SLC7A1: variants seen among roughly 807,000 people sequenced by gnomAD.
SLC7A1 encodes high affinity cationic amino acid transporter 1.
Under a neutral mutation model 53.9 loss-of-function variants are expected in SLC7A1, and 10 were observed. The observed-to-expected ratio is 0.19, with a 90% CI of 0.11 to 0.31. The LOEUF (loss-of-function observed/expected upper bound fraction) is 0.31. Among genes scored for constraint, SLC7A1 ranks in the 10% least tolerant of loss-of-function variants. The probability of loss-of-function intolerance (pLI) is 1.00; values close to 1 mark genes in which losing one functional copy is unlikely to be tolerated. For missense variants in SLC7A1, 525 were observed against 827.2 expected (o/e 0.63, Z 4.48); for synonymous variants, 342 against 338.7 (o/e 1.01, Z -0.11).
intron 1 of SLC7A1, among the ~76,000 whole-genome samples, chr13:29,568,057 C>T (rs1871044671): frequency 6.6e-6 from 1 of 152,120 alleles, no homozygotes; most frequent in African/African-American, 2.4e-5. Context: ...AATGGCTCTG[C>T]CCTCTTGTTT....
intron 7 of SLC7A1, among the ~76,000 whole-genome samples, chr13:29,522,689 T>A (rs899529024): frequency 9.2e-5 from 14 of 152,320 alleles, no homozygotes; most frequent in African/African-American, 2.6e-4. Flanking sequence ...GGAACATCTA[T>A]CTAACATACA....
chr13:29,517,329 AC>A lies in SLC7A1; in HGVS notation c.1511-20del. On this transcript the variant is annotated intron_variant, in intron 10 of 12. Coordinates refer to ENST00000380752, the MANE Select transcript of SLC7A1 (RefSeq NM_003045.5). ...AGAACAGCTAAGGGGGAAGGAAAAG[AC>A]AGCAAGCTGCAACTCAACCATTTCC... 2 of 1,594,836 alleles carry A rather than the reference AC, an allele frequency of 1.3e-6. No individual in the cohort carries two copies. Among genetic ancestry groups the A allele is most frequent in the South Asian group, 2.3e-5 (2 of 87,946 alleles).
In SLC7A1 at chr13:29,535,807, C is replaced by T. The variant is rs763232471; in HGVS notation, c.370+12G>A. 6.2e-7 allele frequency: 1 copy of T among 1,609,714 alleles called. No individual in the cohort carries two copies. Among genetic ancestry groups the T allele is most frequent in the Non-Finnish European group, 8.5e-7 (1 of 1,176,440 alleles). ...TGGTAGAGGGCACGAGCTCCGGACCCCTGGGACCTACCGATGATGTAGGAG... is the reference window on the plus strand; with the variant it reads ...TGGTAGAGGGCACGAGCTCCGGACCTCTGGGACCTACCGATGATGTAGGAG... On this transcript the variant is annotated intron_variant, in intron 3 of 12. Transcript: ENST00000380752.
At chr13:29,520,556 G>C (rs749890490) in intron 8 of SLC7A1, among the ~76,000 whole-genome samples, 7 of 152,188 alleles carry the variant, frequency 4.6e-5, no homozygotes, top group Non-Finnish European at 1.0e-4. Flanking sequence ...TTTTGTGAGC[G>C]TTGTGAGAGT....
intron 2 of SLC7A1, among the ~76,000 whole-genome samples, chr13:29,549,166 G>A (rs868272718): frequency 6.6e-6 from 1 of 152,212 alleles, no homozygotes; most frequent in Non-Finnish European, 1.5e-5. Context: ...CTATCAGAGA[G>A]GAGAATGCAA....
chr13:29,589,762 T>A (rs1190868348), intron 1 of SLC7A1, among the ~76,000 whole-genome samples: 3 of 152,110 alleles, frequency 2.0e-5, no homozygotes, highest in Non-Finnish European at 4.4e-5. Context: ...GCCAGGCCTA[T>A]CCCGAGACAG....
intron 1 of SLC7A1, among the ~76,000 whole-genome samples, chr13:29,574,574 C>A (rs1267696191): frequency 1.3e-5 from 2 of 150,054 alleles, no homozygotes; most frequent in African/African-American, 2.4e-5. Flanking sequence ...TGAAATCTTA[C>A]ATAAAAATGG....
intron 3 of SLC7A1, among the ~76,000 whole-genome samples, chr13:29,534,036 T>C (rs931645188): frequency 1.3e-5 from 2 of 152,182 alleles, no homozygotes; most frequent in African/African-American, 4.8e-5. Flanking sequence ...CAATCTATTA[T>C]GAATTCTGTA....
In SLC7A1 at chr13:29,537,292, C is replaced by A. The variant is rs564259977; in HGVS notation, c.-14-1090G>T. Among the ~76,000 whole-genome samples the A allele has an allele frequency of 2.6e-5, 4 of 152,348 alleles. No individual in the cohort carries two copies. The South Asian group carries it at 8.3e-4, about 32-fold the overall frequency. Reference sequence around the variant, plus strand: ...TGGCAGAGCGATGTGATGAGAGGGGCACTTCATCTCCACAGTCTTTCCCCC... The same window carrying A: ...TGGCAGAGCGATGTGATGAGAGGGGAACTTCATCTCCACAGTCTTTCCCCC... On this transcript the variant is annotated intron_variant, in intron 2 of 12. Coordinates refer to ENST00000380752, the MANE Select transcript of SLC7A1 (RefSeq NM_003045.5).
intron 3 of SLC7A1, among the ~76,000 whole-genome samples, chr13:29,534,160 C>A (rs932015400): frequency 6.6e-6 from 1 of 152,206 alleles, no homozygotes; most frequent in South Asian, 2.1e-4. Flanking sequence ...TCTTCCCAGC[C>A]TATCCACTCC....
chr13:29,583,562 A>C (rs1363916793), intron 1 of SLC7A1, among the ~76,000 whole-genome samples: 1 of 152,062 alleles, frequency 6.6e-6, no homozygotes, highest in Non-Finnish European at 1.5e-5. Flanking sequence ...ACACAGGACC[A>C]CTCATGGGCA....
intron 2 of SLC7A1, among the ~76,000 whole-genome samples, chr13:29,549,315 G>A (rs574921856): frequency 6.6e-6 from 1 of 152,312 alleles, no homozygotes; most frequent in Non-Finnish European, 1.5e-5. Context: ...GGCAGCCCAG[G>A]ATGCGGGACC....
intron 2 of SLC7A1, among the ~76,000 whole-genome samples, chr13:29,536,709 T>C (rs1869436487): frequency 6.6e-6 from 1 of 152,206 alleles, no homozygotes; most frequent in Non-Finnish European, 1.5e-5. Context: ...TAGATCTTTC[T>C]AGGATCCCCT....
chr13:29,574,501 T>C (rs1392864674), intron 1 of SLC7A1, among the ~76,000 whole-genome samples: 1 of 152,190 alleles, frequency 6.6e-6, no homozygotes, highest in Non-Finnish European at 1.5e-5. Flanking sequence ...GCTCACCCAA[T>C]ACCTGTGGAA....
At chr13:29,514,725 C>T (rs1883504534) in intron 12 of SLC7A1, 142 bp from the exon 13 acceptor site, 1 of 622,946 alleles carries the variant, frequency 1.6e-6, no homozygotes. Context: ...CCAGCGGCCC[C>T]TGTGACCTTT....
intron 1 of SLC7A1, among the ~76,000 whole-genome samples, chr13:29,582,485 T>G (rs1871690116): frequency 6.6e-6 from 1 of 152,210 alleles, no homozygotes; most frequent in Non-Finnish European, 1.5e-5. Context: ...ATTTTGAGCA[T>G]CCACTTCCTA....
chr13:29,542,469 C>T (rs1446801747), intron 2 of SLC7A1, among the ~76,000 whole-genome samples: 7 of 151,534 alleles, frequency 4.6e-5, no homozygotes. Context: ...AAAAAGACTA[C>T]GTGGGCTCAT....
chr13:29,563,989 C>T (rs908579975), intron 1 of SLC7A1, among the ~76,000 whole-genome samples: 1 of 152,160 alleles, frequency 6.6e-6, no homozygotes, highest in African/African-American at 2.4e-5. Context: ...AACACCAAGT[C>T]CTAAGCTCGG....
At chr13:29,530,807 A>C in intron 4 of SLC7A1, 95 bp from the exon 5 acceptor site, 1 of 993,808 alleles carries the variant, frequency 1.0e-6, no homozygotes, top group Non-Finnish European at 1.5e-6. Context: ...ACTGAAAAAG[A>C]ATCCAAGTGC....
Sources: allele counts gnomAD v4.1 joint callset (sites outside exome capture counted in the v4.1 genomes callset), GRCh38; gene constraint gnomAD v4.1.1; transcripts MANE v1.5; gene names NCBI Gene and HGNC (gene_info 2026-07-23, HGNC 2026-07-21).